ANKRD22: variants seen among roughly 807,000 people sequenced by gnomAD.
ANKRD22 encodes ankyrin repeat domain-containing protein 22.
A neutral mutation model predicts 25.7 loss-of-function variants in ANKRD22; 24 were observed. That is an observed-to-expected ratio of 0.93 (90% CI 0.68 to 1.31). ANKRD22 has a LOEUF of 1.31. Among genes scored for constraint, ANKRD22 ranks in the 50% most tolerant of loss-of-function variants. The probability of loss-of-function intolerance (pLI) is 0.00; values close to 1 mark genes in which losing one functional copy is unlikely to be tolerated. For missense variants in ANKRD22, 214 were observed against 227.1 expected (o/e 0.94, Z 0.37); for synonymous variants, 84 against 84.3 (o/e 1.00, Z 0.02).
intron 1 of ANKRD22, among the ~76,000 whole-genome samples, chr10:88,848,482 T>C (rs1195092101): frequency 6.6e-6 from 1 of 152,134 alleles, no homozygotes; most frequent in Non-Finnish European, 1.5e-5. Flanking sequence ...TCTTCTTGCA[T>C]ATGTTGTTGA....
At position 88,820,735 on chromosome 10, in the gene ANKRD22, T is replaced by C. The variant is rs1843783696; in HGVS notation, c.*2206A>G. ...ACCATCTTGAAGGGTAGGTTTTACCTGATAGCCAGAAAATATCTAGACATT... is the reference window on the plus strand; with the variant it reads ...ACCATCTTGAAGGGTAGGTTTTACCCGATAGCCAGAAAATATCTAGACATT... On this transcript the variant is annotated 3_prime_UTR_variant, in exon 6 of 6. Coordinates refer to ENST00000371930, the MANE Select transcript of ANKRD22 (RefSeq NM_144590.3). Among the ~76,000 whole-genome samples, 1 of 152,228 alleles carries C rather than the reference T, an allele frequency of 6.6e-6. No individual in the cohort carries two copies. Among genetic ancestry groups the C allele is most frequent in the South Asian group, 2.1e-4 (1 of 4,834 alleles).
At chr10:88,838,154 A>C (rs1398448180) in intron 1 of ANKRD22, among the ~76,000 whole-genome samples, 3 of 152,224 alleles carry the variant, frequency 2.0e-5, no homozygotes, top group Non-Finnish European at 4.4e-5. Context: ...ACATGAAATG[A>C]ATAAAAATAT....
intron 1 of ANKRD22, among the ~76,000 whole-genome samples, chr10:88,835,248 G>A (rs796225909): frequency 6.2e-4 from 94 of 152,282 alleles, no homozygotes; most frequent in African/African-American, 2.2e-3. Context: ...CCCCATTTGA[G>A]CAATATTATG....
intron 1 of ANKRD22, among the ~76,000 whole-genome samples, chr10:88,838,116 T>C (rs1179086947): frequency 7.9e-5 from 12 of 152,118 alleles, no homozygotes; most frequent in Non-Finnish European, 1.8e-4. Flanking sequence ...ATGGGGAAGA[T>C]TTTGGACCAT....
At chr10:88,848,178 ATATATATG>A (rs987670828) in intron 1 of ANKRD22, among the ~76,000 whole-genome samples, 8 of 69,956 alleles carry the variant, frequency 1.1e-4, no homozygotes, top group South Asian at 3.6e-4. Context: ...ATATGTGTAT[ATATATATG>A]TATATATGTA....
chr10:88,834,897 C>T (rs113635230), intron 1 of ANKRD22, among the ~76,000 whole-genome samples: 4,035 of 152,176 alleles, frequency 0.027, 77 homozygotes, highest in Non-Finnish European at 0.041. Flanking sequence ...CCACTTCATT[C>T]CAGCCTGGGC....
At chr10:88,830,979 A>T (rs567768085) in intron 2 of ANKRD22, among the ~76,000 whole-genome samples, 1 of 152,200 alleles carries the variant, frequency 6.6e-6, no homozygotes, top group Non-Finnish European at 1.5e-5. Context: ...AAGCATAAAT[A>T]AAAAAGTCCA....
rs1554832256 is a variant in ANKRD22 at position 88,822,544 on chromosome 10, C to CTGCTGTTTTTTTTTTTTTTTTTTTTTT, written c.*396_*397insAAAAAAAAAAAAAAAAAAAAAACAGCA. The CTGCTGTTTTTTTTTTTTTTTTTTTTTT allele has an allele frequency of 2.7e-5, 1 of 36,444 alleles. No homozygotes were observed. The highest frequency in any genetic ancestry group is 5.9e-5 in the Non-Finnish European group (1 of 17,014). The allele number at this position is 36,444 out of a possible 1,614,324, so 2.3% of individuals were successfully genotyped here. The stretch of plus-strand genomic sequence containing the variant: ...AAAGACTGAGTTTGGAACACCAGGG[C>CTGCTGTTTTTTTTTTTTTTTTTTTTTT]TTTTTTTTTTTTTTTTTTTTTTGAG... On this transcript the variant is annotated 3_prime_UTR_variant, in exon 6 of 6. Coordinates refer to ENST00000371930, the MANE Select transcript of ANKRD22 (RefSeq NM_144590.3).
chr10:88,823,827 C>CA (rs56194758), intron 4 of ANKRD22, among the ~76,000 whole-genome samples: 32,651 of 103,748 alleles, frequency 0.31, 5,492 homozygotes, highest in East Asian at 0.47. Flanking sequence ...GACTCCGTCT[C>CA]AAAAAAAAAA....
Position 88,820,329 on chromosome 10 carries a change from T to C in ANKRD22, c.*2612A>G. ...CTTTCAAATCCAGAAGACGTGAAAATGCTGCTCTCTGAGGTGACCAACCTC... is the reference window on the plus strand; with the variant it reads ...CTTTCAAATCCAGAAGACGTGAAAACGCTGCTCTCTGAGGTGACCAACCTC... On this transcript the variant is annotated 3_prime_UTR_variant, in exon 6 of 6. Coordinates refer to ENST00000371930, the MANE Select transcript of ANKRD22 (RefSeq NM_144590.3). 1.3e-6 allele frequency: 2 copies of C among 1,552,206 alleles called. No homozygotes were observed. Among genetic ancestry groups the C allele is most frequent in the South Asian group, 2.4e-5 (2 of 84,064 alleles).
At chr10:88,838,777 A>G (rs1430334579) in intron 1 of ANKRD22, among the ~76,000 whole-genome samples, 3 of 152,186 alleles carry the variant, frequency 2.0e-5, no homozygotes, top group Admixed American at 2.0e-4. Flanking sequence ...ACCATGGTCA[A>G]AAAACAACGG....
At chr10:88,823,827 C>CAAA (rs56194758) in intron 4 of ANKRD22, among the ~76,000 whole-genome samples, 44 of 103,740 alleles carry the variant, frequency 4.2e-4, no homozygotes, top group African/African-American at 1.5e-3. Flanking sequence ...GACTCCGTCT[C>CAAA]AAAAAAAAAA....
intron 1 of ANKRD22, among the ~76,000 whole-genome samples, chr10:88,849,039 C>T (rs1844079830): frequency 6.7e-6 from 1 of 148,232 alleles, no homozygotes; most frequent in Non-Finnish European, 1.5e-5. Context: ...GGTGTGTGTG[C>T]ATCCTTTTAC....
At chr10:88,832,087 A>C in intron 1 of ANKRD22, 61 bp from the exon 2 acceptor site, 4 of 1,443,762 alleles carry the variant, frequency 2.8e-6, no homozygotes, top group Non-Finnish European at 3.7e-6. Flanking sequence ...CACAAAAACG[A>C]AAAAAAAGTC....
intron 1 of ANKRD22, among the ~76,000 whole-genome samples, chr10:88,833,275 T>G (rs1843924108): frequency 6.6e-6 from 1 of 152,204 alleles, no homozygotes. Flanking sequence ...TTAAAAAGCA[T>G]TTAGAGTAAT....
chr10:88,823,967 C>T (rs1018887929), intron 4 of ANKRD22, among the ~76,000 whole-genome samples: 1 of 152,142 alleles, frequency 6.6e-6, no homozygotes, highest in South Asian at 2.1e-4. Context: ...CTGAATTGTG[C>T]CAAAGTTTCT....
At chr10:88,844,788 T>C (rs1844033271) in intron 1 of ANKRD22, among the ~76,000 whole-genome samples, 1 of 152,098 alleles carries the variant, frequency 6.6e-6, no homozygotes, top group East Asian at 1.9e-4. Context: ...GTTATTTCAA[T>C]AGATATGCAC....
intron 1 of ANKRD22, among the ~76,000 whole-genome samples, chr10:88,838,656 A>AGAAAGGG (rs961877153): frequency 2.4e-4 from 37 of 152,282 alleles, no homozygotes; most frequent in South Asian, 1.2e-3. Flanking sequence ...GGGGACAGAA[A>AGAAAGGG]GAAAGGGGAA....
In ANKRD22 at chr10:88,820,751, T is replaced by C. The variant is rs1053052243; in HGVS notation, c.*2190A>G. 1.2e-4 allele frequency among the ~76,000 whole-genome samples: 19 copies of C among 152,320 alleles called. No homozygotes were observed. The highest frequency in any genetic ancestry group is 3.4e-3 in the Middle Eastern group (1 of 294). ...GGTTTTACCTGATAGCCAGAAAATA[T>C]CTAGACATTCTCTATATCATTCAGG... On this transcript the variant is annotated 3_prime_UTR_variant, in exon 6 of 6. Transcript: ENST00000371930.
Sources: allele counts gnomAD v4.1 joint callset (sites outside exome capture counted in the v4.1 genomes callset), GRCh38; gene constraint gnomAD v4.1.1; transcripts MANE v1.5; gene names NCBI Gene and HGNC (gene_info 2026-07-23, HGNC 2026-07-21).